Variants in CPQ observed in about 807,000 individuals in gnomAD.
CPQ encodes Ser-Met dipeptidase.
CPQ carries 37 observed loss-of-function variants against 45.7 expected under a neutral mutation model. The observed-to-expected ratio is 0.81, with a 90% CI of 0.62 to 1.07. CPQ has a LOEUF of 1.07. CPQ is among the 50% of genes least tolerant of loss of function. The probability of loss-of-function intolerance (pLI) is 0.00; values close to 1 mark genes in which losing one functional copy is unlikely to be tolerated. For missense variants in CPQ, 537 were observed against 572.9 expected, an observed-to-expected ratio of 0.94 and a Z score of 0.64; for synonymous variants, 186 against 205.8, an observed-to-expected ratio of 0.90 and a Z score of 0.82.
intron 4 of CPQ, among the ~76,000 whole-genome samples, chr8:96,944,819 T>C (rs1813167787): frequency 6.6e-6 from 1 of 152,184 alleles, no homozygotes; most frequent in South Asian, 2.1e-4. Context: ...TGTTTGCATA[T>C]TTATTCCTTT....
intron 5 of CPQ, among the ~76,000 whole-genome samples, chr8:97,007,843 G>C (rs746158336): frequency 1.3e-5 from 2 of 152,210 alleles, no homozygotes; most frequent in Non-Finnish European, 2.9e-5. Flanking sequence ...GTGGGCTGCA[G>C]AACACTGGGA....
In CPQ at chr8:96,764,779, C is replaced by T. The variant is rs557070020; in HGVS notation, c.-34-20085C>T. Among the ~76,000 whole-genome samples, 6 of 152,280 alleles carry T rather than the reference C, an allele frequency of 3.9e-5. No individual in the cohort carries two copies. In the East Asian group the frequency reaches 9.7e-4, roughly 25 times the overall value. On this transcript the variant is annotated intron_variant, in intron 1 of 7. Coordinates refer to ENST00000220763, the MANE Select transcript of CPQ (RefSeq NM_016134.4). ...ATTCAGACAGGGGACTAAGAAGAGA[C>T]TCTTCACAGTGCTTGCTGATAGCCC...
At chr8:96,866,504 A>G (rs1256204036) in intron 3 of CPQ, among the ~76,000 whole-genome samples, 4 of 152,066 alleles carry the variant, frequency 2.6e-5, no homozygotes, top group Non-Finnish European at 1.5e-5. Context: ...CTTATTACGG[A>G]GAATTGATTA....
At chr8:96,683,731 A>AT (rs1328925127) in intron 1 of CPQ, among the ~76,000 whole-genome samples, 3 of 142,426 alleles carry the variant, frequency 2.1e-5, no homozygotes, top group Non-Finnish European at 4.6e-5. Context: ...CATTTTTTCT[A>AT]TTTTTTTCTT....
At chr8:96,898,790 A>AT (rs1812477305) in intron 4 of CPQ, among the ~76,000 whole-genome samples, 1 of 151,432 alleles carries the variant, frequency 6.6e-6, no homozygotes, top group Non-Finnish European at 1.5e-5. Context: ...AAAAAAAAAA[A>AT]AAAGTCAATA....
chr8:97,018,529 A>G (rs990715705), intron 5 of CPQ, among the ~76,000 whole-genome samples: 1 of 152,218 alleles, frequency 6.6e-6, no homozygotes, highest in African/African-American at 2.4e-5. Context: ...AGTGAAATAG[A>G]TAGCATAAAT....
rs183006143 is a variant in CPQ at position 97,059,318 on chromosome 8, A to C, written c.1054-6691A>C. Among the ~76,000 whole-genome samples, 254 of 152,264 alleles carry C rather than the reference A, an allele frequency of 1.7e-3. 3 individuals are homozygous for C. Among genetic ancestry groups the C allele is most frequent in the Admixed American group, 0.013 (197 of 15,280 alleles). On this transcript the variant is annotated intron_variant, in intron 6 of 7. Transcript: ENST00000220763. ...GTAGGAGTGCAGTGACAAGATGGTTAGATCCACAGAGGCTCCTGCATGTGT... is the reference window on the plus strand; with the variant it reads ...GTAGGAGTGCAGTGACAAGATGGTTCGATCCACAGAGGCTCCTGCATGTGT...
At chr8:96,904,294 A>C (rs1239475202) in intron 4 of CPQ, among the ~76,000 whole-genome samples, 1 of 152,216 alleles carries the variant, frequency 6.6e-6, no homozygotes, top group Non-Finnish European at 1.5e-5. Flanking sequence ...CCGCTGAATG[A>C]TGTCACAGTG....
At chr8:97,124,173 C>T (rs925838942) in intron 7 of CPQ, among the ~76,000 whole-genome samples, 1 of 139,238 alleles carries the variant, frequency 7.2e-6, no homozygotes, top group African/African-American at 2.7e-5. Flanking sequence ...TTGCAGTGAG[C>T]CGAGATTGCA....
chr8:96,819,189 A>G (rs1043403439), intron 2 of CPQ, among the ~76,000 whole-genome samples: 5 of 144,060 alleles, frequency 3.5e-5, no homozygotes, highest in Middle Eastern at 3.6e-3. Context: ...CCAATCAGCA[A>G]ATGTTTGAGG....
rs543623920 is a variant in CPQ, at chr8:96,859,823, A to G, written c.642-19975A>G. ...CATTTCCCTGTTGATAGACATGCTG[A>G]TTTTTATTTGTCACTGTTACAGTCT... On this transcript the variant is annotated intron_variant, in intron 3 of 7. Transcript: ENST00000220763. Among the ~76,000 whole-genome samples, 44 of 152,132 alleles carry G rather than the reference A, an allele frequency of 2.9e-4. 1 individual carries two copies. The South Asian group carries it at 8.9e-3, about 31-fold the overall frequency.
At chr8:96,850,574 TTTTATTTTATTTTA>T (rs1563512668) in intron 3 of CPQ, among the ~76,000 whole-genome samples, 2 of 145,932 alleles carry the variant, frequency 1.4e-5, no homozygotes, top group African/African-American at 2.5e-5. Flanking sequence ...TTTTATTTTA[TTTTATTTTATTTTA>T]TTTATTTATT....
chr8:96,813,794 T>TA (rs111790218), intron 2 of CPQ, among the ~76,000 whole-genome samples: 7,136 of 152,118 alleles, frequency 0.047, 196 homozygotes, highest in Middle Eastern at 0.11. Flanking sequence ...TTCCAGAGAT[T>TA]ATCTGTCTTA....
chr8:96,718,714 G>T (rs540214748), intron 1 of CPQ, among the ~76,000 whole-genome samples: 1 of 152,122 alleles, frequency 6.6e-6, no homozygotes. Context: ...GAGCCGAGTG[G>T]TCTGTTTTGA....
At chr8:96,907,831 T>C (rs567013396) in intron 4 of CPQ, among the ~76,000 whole-genome samples, 3 of 152,272 alleles carry the variant, frequency 2.0e-5, no homozygotes, top group South Asian at 2.1e-4. Context: ...TATCCTACTG[T>C]TAATAAATGT....
At chr8:96,855,092 CT>C (rs1811829541) in intron 3 of CPQ, among the ~76,000 whole-genome samples, 1 of 152,110 alleles carries the variant, frequency 6.6e-6, no homozygotes, top group Non-Finnish European at 1.5e-5. Context: ...GAGGGTCAGC[CT>C]TTTTGTTCTA....
At chr8:97,089,514 G>T (rs1811097873) in intron 7 of CPQ, among the ~76,000 whole-genome samples, 1 of 152,024 alleles carries the variant, frequency 6.6e-6, no homozygotes, top group Non-Finnish European at 1.5e-5. Flanking sequence ...TATTAGTACA[G>T]GAATCCCCCC....
chr8:97,023,420 A>G (rs1809744602), intron 5 of CPQ, among the ~76,000 whole-genome samples: 1 of 152,158 alleles, frequency 6.6e-6, no homozygotes, highest in South Asian at 2.1e-4. Flanking sequence ...ACAAATCACC[A>G]CCAAAGAACT....
chr8:96,702,846 T>C (rs1024097587), intron 1 of CPQ, among the ~76,000 whole-genome samples: 12 of 152,166 alleles, frequency 7.9e-5, no homozygotes, highest in African/African-American at 2.9e-4. Flanking sequence ...TTGTGCTTTT[T>C]TTGGGGGGGT....
Sources: allele counts gnomAD v4.1 joint callset (sites outside exome capture counted in the v4.1 genomes callset), GRCh38; gene constraint gnomAD v4.1.1; transcripts MANE v1.5; gene names NCBI Gene and HGNC (gene_info 2026-07-23, HGNC 2026-07-21).